Variants in EYS observed in about 807,000 individuals in gnomAD.
EYS encodes protein eyes shut homolog.
Under a neutral mutation model 282.1 loss-of-function variants are expected in EYS, and 250 were observed. That is an observed-to-expected ratio of 0.89 (90% CI 0.80 to 0.98). EYS has a LOEUF of 0.98. Among genes scored for constraint, EYS ranks in the 50% least tolerant of loss-of-function variants. The probability of loss-of-function intolerance (pLI) is 0.00; values close to 1 mark genes in which losing one functional copy is unlikely to be tolerated. For missense variants in EYS, 4,016 were observed against 3,709.0 expected (o/e 1.08, Z -2.15); for synonymous variants, 1,355 against 1,282.9 (o/e 1.06, Z -1.20).
At chr6:63,900,299 G>T (rs920955106) in intron 35 of EYS, among the ~76,000 whole-genome samples, 1 of 152,102 alleles carries the variant, frequency 6.6e-6, no homozygotes, top group Non-Finnish European at 1.5e-5. Context: ...TACAGTTTTG[G>T]TGGTGCCTTG....
chr6:63,991,429 C>T (rs773447559), intron 34 of EYS, among the ~76,000 whole-genome samples: 19 of 151,464 alleles, frequency 1.3e-4, no homozygotes, highest in African/African-American at 2.7e-4. Context: ...ACAAAAAATT[C>T]GAAGTAACCA....
At chr6:64,210,761 G>A (rs905839780) in intron 31 of EYS, among the ~76,000 whole-genome samples, 1 of 152,160 alleles carries the variant, frequency 6.6e-6, no homozygotes, top group Admixed American at 6.5e-5. Context: ...GTCTGTGAGG[G>A]TGTTACAGAG....
At chr6:64,053,865 T>C (rs1037907684) in intron 33 of EYS, among the ~76,000 whole-genome samples, 2 of 152,308 alleles carry the variant, frequency 1.3e-5, no homozygotes, top group African/African-American at 4.8e-5. Context: ...TAATTTCTTG[T>C]ATGAGCATTT....
At chr6:64,710,256 T>A (rs1771162315) in intron 22 of EYS, among the ~76,000 whole-genome samples, 1 of 152,174 alleles carries the variant, frequency 6.6e-6, no homozygotes, top group African/African-American at 2.4e-5. Flanking sequence ...ATGTAGATGG[T>A]TTTCCACATG....
intron 30 of EYS, among the ~76,000 whole-genome samples, chr6:64,295,646 G>A (rs1026721228): frequency 2.7e-5 from 4 of 148,006 alleles, no homozygotes; most frequent in East Asian, 2.0e-4. Context: ...GGAGAATGGC[G>A]TGAACCGAGA....
chr6:64,855,239 G>GT (rs1380137665), intron 19 of EYS, among the ~76,000 whole-genome samples: 2 of 151,810 alleles, frequency 1.3e-5, no homozygotes, highest in African/African-American at 2.4e-5. Context: ...ATTGGTGTAT[G>GT]TTTTTTACCG....
At chr6:65,132,916 A>G (rs1485599722) in intron 12 of EYS, among the ~76,000 whole-genome samples, 1 of 152,042 alleles carries the variant, frequency 6.6e-6, no homozygotes, top group Non-Finnish European at 1.5e-5. Flanking sequence ...TTACACACCA[A>G]GAACAGCCAA....
At chr6:63,924,373 T>C (rs1235671364) in intron 35 of EYS, among the ~76,000 whole-genome samples, 1 of 152,226 alleles carries the variant, frequency 6.6e-6, no homozygotes, top group Non-Finnish European at 1.5e-5. Context: ...GCCTCTTTAC[T>C]GGAGAAAAGC....
chr6:65,080,734 T>A (rs2150171310), intron 12 of EYS, among the ~76,000 whole-genome samples: 1 of 152,118 alleles, frequency 6.6e-6, no homozygotes, highest in African/African-American at 2.4e-5. Flanking sequence ...AAAAAAGAAA[T>A]GAAAATGAAA....
chr6:65,076,041 A>G (rs371445772), intron 12 of EYS, among the ~76,000 whole-genome samples: 1 of 152,056 alleles, frequency 6.6e-6, no homozygotes, highest in East Asian at 1.9e-4. Flanking sequence ...TACAGTCCAA[A>G]TGACAACTAC....
At chr6:65,529,639 A>G (rs951840721) in intron 2 of EYS, among the ~76,000 whole-genome samples, 1 of 152,208 alleles carries the variant, frequency 6.6e-6, no homozygotes, top group Non-Finnish European at 1.5e-5. Context: ...ACACATTATT[A>G]TGGACTGAAT....
chr6:64,419,268 C>T (rs533153698), intron 28 of EYS, among the ~76,000 whole-genome samples: 1 of 152,280 alleles, frequency 6.6e-6, no homozygotes, highest in Admixed American at 6.5e-5. Context: ...AGGGAAACCA[C>T]CTCCATGATT....
intron 2 of EYS, among the ~76,000 whole-genome samples, chr6:65,637,594 AAGCTACTTGCCAT>A (rs1398917892): frequency 6.6e-6 from 1 of 152,206 alleles, no homozygotes; most frequent in Non-Finnish European, 1.5e-5. Context: ...GGGGCCCAGG[AAGCTACTTGCCAT>A]AGCAGGCTTG....
chr6:65,484,710 G>C (rs948166268), intron 5 of EYS, among the ~76,000 whole-genome samples: 6 of 152,174 alleles, frequency 3.9e-5, no homozygotes, highest in South Asian at 2.1e-4. Context: ...TATGTTATAT[G>C]TGAGAGGAAA....
At chr6:64,722,510 T>C (rs936961789) in intron 22 of EYS, among the ~76,000 whole-genome samples, 2 of 150,338 alleles carry the variant, frequency 1.3e-5, no homozygotes, top group African/African-American at 4.9e-5. Flanking sequence ...TTTCAGTAAA[T>C]TATTTGAAAA....
intron 8 of EYS, among the ~76,000 whole-genome samples, chr6:65,366,141 A>T (rs1486967554): frequency 2.0e-5 from 3 of 151,650 alleles, no homozygotes; most frequent in Non-Finnish European, 4.4e-5. Flanking sequence ...TAAATTAGTA[A>T]AGTATGTACA....
chr6:64,746,581 C>A (rs1234453105), intron 22 of EYS, among the ~76,000 whole-genome samples: 1 of 152,092 alleles, frequency 6.6e-6, no homozygotes, highest in African/African-American at 2.4e-5. Context: ...TAAACCAAAA[C>A]AAGTCATAGG....
At chr6:65,172,423 T>C (rs2150228176) in intron 12 of EYS, among the ~76,000 whole-genome samples, 1 of 151,564 alleles carries the variant, frequency 6.6e-6, no homozygotes, top group South Asian at 2.1e-4. Flanking sequence ...AAATAGCATA[T>C]GCAGGTTCCC....
intron 11 of EYS, among the ~76,000 whole-genome samples, chr6:65,296,337 AAT>A (rs1768665203): frequency 6.6e-6 from 1 of 151,970 alleles, no homozygotes; most frequent in Non-Finnish European, 1.5e-5. Context: ...TTTGGTGCTG[AAT>A]ATATCTAGTC....
Sources: gnomAD v4.1 joint callset for allele counts (sites outside exome capture counted in the v4.1 genomes callset) on GRCh38, gnomAD v4.1.1 for gene constraint, MANE v1.5 for transcripts, NCBI Gene and HGNC (gene_info 2026-07-23, HGNC 2026-07-21) for gene names.